PDE4D: variants seen among roughly 807,000 people sequenced by gnomAD.
PDE4D encodes the protein phosphodiesterase 4D.
A neutral mutation model predicts 87.4 loss-of-function variants in PDE4D; 24 were observed. That is an observed-to-expected ratio of 0.27 (90% CI 0.20 to 0.39). The LOEUF is 0.39. Ranked by LOEUF, PDE4D falls within the 10% of genes least tolerant of loss-of-function variation. The pLI is 1.00. For synonymous variants in PDE4D, 384 were observed against 383.2 expected (o/e 1.00, Z -0.02); for missense variants, 714 against 1,041.0 (o/e 0.69, Z 4.32).
At chr5:60,085,991 T>G (rs1437098106) in intron 2 of PDE4D, among the ~76,000 whole-genome samples, 1 of 152,208 alleles carries the variant, frequency 6.6e-6, no homozygotes, top group Non-Finnish European at 1.5e-5. Flanking sequence ...TAAAAGCATA[T>G]CCTCTGACAA....
intron 5 of PDE4D, among the ~76,000 whole-genome samples, chr5:59,087,320 A>G (rs187801582): frequency 2.6e-5 from 4 of 152,160 alleles, no homozygotes; most frequent in Admixed American, 2.6e-4. Flanking sequence ...CCTTGTCTCT[A>G]CAAAAATTTT....
intron 1 of PDE4D, among the ~76,000 whole-genome samples, chr5:59,583,753 CTG>C (rs1361625945): frequency 2.6e-5 from 4 of 152,218 alleles, no homozygotes; most frequent in Admixed American, 1.3e-4. Context: ...AGTAGGAACT[CTG>C]TGCACAGGCT....
intron 1 of PDE4D, among the ~76,000 whole-genome samples, chr5:59,781,813 A>AAAAAAAAC (rs1764663296): frequency 1.3e-5 from 2 of 151,150 alleles, no homozygotes; most frequent in Non-Finnish European, 3.0e-5. Context: ...AAAAAAAAAA[A>AAAAAAAAC]AATCAACTCC....
intron 1 of PDE4D, among the ~76,000 whole-genome samples, chr5:59,720,193 G>T (rs1755629991): frequency 6.6e-6 from 1 of 152,248 alleles, no homozygotes; most frequent in South Asian, 2.1e-4. Context: ...ATGGGATCTT[G>T]CTCTGTTGCC....
At chr5:60,114,941 C>CATGG (rs72415755) in intron 2 of PDE4D, among the ~76,000 whole-genome samples, 3,949 of 89,184 alleles carry the variant, frequency 0.044, 95 homozygotes, top group African/African-American at 0.093. Flanking sequence ...TAGATAGATA[C>CATGG]ATGGATGGAT....
chr5:60,070,820 T>C (rs1047238865), intron 2 of PDE4D, among the ~76,000 whole-genome samples: 1 of 152,032 alleles, frequency 6.6e-6, no homozygotes, highest in African/African-American at 2.4e-5. Flanking sequence ...GGGCTTTTCC[T>C]TCCTGGGAGC....
chr5:59,417,025 C>T (rs76317168), intron 1 of PDE4D, among the ~76,000 whole-genome samples: 1,595 of 152,144 alleles, frequency 0.01, 27 homozygotes, highest in African/African-American at 0.037. Flanking sequence ...TCCCACTTTT[C>T]GAAATATTGT....
chr5:59,915,677 C>T (rs1561856559), intron 3 of PDE4D, among the ~76,000 whole-genome samples: 1 of 152,194 alleles, frequency 6.6e-6, no homozygotes, highest in Non-Finnish European at 1.5e-5. Context: ...TTTTACCTCA[C>T]TAGGGACTAA....
chr5:60,104,437 C>T (rs1028921029), intron 2 of PDE4D, among the ~76,000 whole-genome samples: 1 of 152,190 alleles, frequency 6.6e-6, no homozygotes, highest in Admixed American at 6.5e-5. Context: ...GGGCAGGGCA[C>T]AGACAAACAA....
At position 59,006,974 on chromosome 5, in the gene PDE4D, T is replaced by C. The variant is rs867825164; in HGVS notation, c.922-13509A>G. ...ACAGGGCCAGGATTTGAACCCAGAC[T>C]GTCTGGTTTCAGAGTACTCTAAATT... is the stretch of plus-strand genomic sequence containing the variant. On this transcript the variant is annotated intron_variant, in intron 6 of 14. Transcript: ENST00000340635. Among the ~76,000 whole-genome samples, 6 of 152,306 alleles carry C rather than the reference T, an allele frequency of 3.9e-5. No homozygotes were observed. The Middle Eastern group carries it at 0.017, about 432-fold the overall frequency.
chr5:59,088,131 G>A (rs1377165470), intron 5 of PDE4D, among the ~76,000 whole-genome samples: 1 of 152,130 alleles, frequency 6.6e-6, no homozygotes, highest in African/African-American at 2.4e-5. Context: ...GCTACAATTA[G>A]TTAACTCATT....
intron 1 of PDE4D, among the ~76,000 whole-genome samples, chr5:59,344,560 T>C (rs1255409917): frequency 3.9e-5 from 6 of 152,082 alleles, no homozygotes; most frequent in African/African-American, 1.4e-4. Context: ...CATCACACCC[T>C]ACTAATTTTT....
chr5:59,443,455 GAACAGCATGTTCCATTTAGAAATAA>G (rs1439661011), intron 1 of PDE4D, among the ~76,000 whole-genome samples: 1 of 152,152 alleles, frequency 6.6e-6, no homozygotes, highest in Non-Finnish European at 1.5e-5. Flanking sequence ...CAGAATTCCT[GAACAGCATGTTCCATTTAGAAATAA>G]AAGCATGTAC....
At chr5:59,811,663 C>A (rs941093910) in intron 1 of PDE4D, among the ~76,000 whole-genome samples, 1 of 152,178 alleles carries the variant, frequency 6.6e-6, no homozygotes, top group East Asian at 1.9e-4. Context: ...AACCTCCTGT[C>A]CAGCTGCATG....
intron 1 of PDE4D, among the ~76,000 whole-genome samples, chr5:59,605,766 AAGC>A: frequency 6.6e-6 from 1 of 152,198 alleles, no homozygotes; most frequent in African/African-American, 2.4e-5. Context: ...CTTTCACCAG[AAGC>A]AGGTTTGGGC....
intron 2 of PDE4D, among the ~76,000 whole-genome samples, chr5:60,099,686 G>C (rs1483926439): frequency 6.6e-6 from 1 of 151,784 alleles, no homozygotes; most frequent in Admixed American, 6.6e-5. Context: ...ATGAAAACAA[G>C]TATATCATTT....
chr5:59,918,409 G>A (rs1754306661), intron 3 of PDE4D, among the ~76,000 whole-genome samples: 1 of 152,044 alleles, frequency 6.6e-6, no homozygotes, highest in Non-Finnish European at 1.5e-5. Flanking sequence ...CAGATATCAG[G>A]GTAACCCTCA....
At chr5:59,833,650 G>C (rs1335823807) in intron 1 of PDE4D, among the ~76,000 whole-genome samples, 1 of 151,944 alleles carries the variant, frequency 6.6e-6, no homozygotes, top group African/African-American at 2.4e-5. Flanking sequence ...GAGATTTATA[G>C]TTGGCTCAGA....
intron 2 of PDE4D, among the ~76,000 whole-genome samples, chr5:60,007,347 TA>T (rs1427463916): frequency 6.6e-6 from 1 of 152,026 alleles, no homozygotes; most frequent in Non-Finnish European, 1.5e-5. Context: ...AATAAAAGTA[TA>T]TTTGCATCAC....
Sources: allele counts gnomAD v4.1 joint callset (sites outside exome capture counted in the v4.1 genomes callset), GRCh38; gene constraint gnomAD v4.1.1; transcripts MANE v1.5; gene names NCBI Gene and HGNC (gene_info 2026-07-23, HGNC 2026-07-21).